Variants in ANK1 observed in about 807,000 individuals in gnomAD.
The protein encoded by ANK1 is ankyrin-1.
ANK1 carries 51 observed loss-of-function variants against 210.4 expected under a neutral mutation model. That is an observed-to-expected ratio of 0.24 (90% confidence interval 0.19 to 0.31). The LOEUF is 0.31. Ranked by LOEUF, ANK1 falls within the 10% of genes least tolerant of loss-of-function variation. The pLI, the probability that ANK1 is intolerant of heterozygous loss-of-function variation, is 1.00. For synonymous variants in ANK1, 967 were observed against 1,025.9 expected, an observed-to-expected ratio of 0.94 and a Z score of 1.10; for missense variants, 2,051 against 2,504.4, an observed-to-expected ratio of 0.82 and a Z score of 3.86.
At chr8:41,690,668 T>G in intron 31 of ANK1, 69 bp from the exon 32 acceptor site, 1 of 1,575,952 alleles carries the variant, frequency 6.3e-7, no homozygotes, top group Non-Finnish European at 8.6e-7. Context: ...CCTTCCACCT[T>G]CGGTCCTTCC....
chr8:41,655,643 C>A lies in ANK1; in HGVS notation c.*147G>T, dbSNP rs556170424. ...CAGGAGTCCCTTACAGAGGTCATGC[C>A]GTCAGCCCAGAGGAATGTGTGCACC... On this transcript the variant is annotated 3_prime_UTR_variant, in exon 43 of 43. Coordinates refer to ENST00000289734, the MANE Select transcript of ANK1 (RefSeq NM_000037.4). 1 of 1,525,312 alleles carries A rather than the reference C, an allele frequency of 6.6e-7. No individual in the cohort carries two copies. Among genetic ancestry groups the A allele is most frequent in the African/African-American group, 1.4e-5 (1 of 72,936 alleles). The allele number at this position is 1,525,312 out of a possible 1,614,324, so 94.5% of individuals were successfully genotyped here.
chr8:41,672,877 C>T lies in ANK1; in HGVS notation c.4573G>A (p.Ala1525Thr), dbSNP rs1287545895. 6.2e-7 allele frequency: 1 copy of T among 1,605,894 alleles called. No individual in the cohort carries two copies. The highest frequency in any genetic ancestry group is 8.5e-7 in the Non-Finnish European group (1 of 1,179,916). Reference sequence around the variant, plus strand: ...GAGGAAAGTGCACAGCCCAGGGAGGCAGGGGACAGCAGCTCGTCCTGCAGT... The same window carrying T: ...GAGGAAAGTGCACAGCCCAGGGAGGTAGGGGACAGCAGCTCGTCCTGCAGT... ...SSLQDELLSP[A>T]SLGCALSSPL... Residue 1525 changes from alanine (A) to threonine (T), a missense_variant, in exon 38 of 43, where the codon GCC (alanine) becomes ACC (threonine). Physicochemically the swap from Ala to Thr is moderately conservative, Grantham distance 58. Coordinates refer to ENST00000289734, the MANE Select transcript of ANK1 (RefSeq NM_000037.4).
chr8:41,867,082 G>T lies in ANK1; in HGVS notation c.126+29273C>A, dbSNP rs114816368. On this transcript the variant is annotated intron_variant, in intron 1 of 42. Transcript: ENST00000265709. Reference sequence around the variant, plus strand: ...AAATTTTACATCCATCTGACCAGTTGGTTCTTAGTGTGGGGAGGTACAGAC... The same window carrying T: ...AAATTTTACATCCATCTGACCAGTTTGTTCTTAGTGTGGGGAGGTACAGAC... 7.1e-3 allele frequency among the ~76,000 whole-genome samples: 1,082 copies of T among 152,324 alleles called. 6 individuals carry two copies. Among genetic ancestry groups the T allele is most frequent in the African/African-American group, 0.025 (1,048 of 41,560 alleles).
At chr8:41,837,880 AT>A (rs1203443232) in intron 1 of ANK1, among the ~76,000 whole-genome samples, 2 of 152,058 alleles carry the variant, frequency 1.3e-5, no homozygotes, top group Admixed American at 6.5e-5. Flanking sequence ...AAAAAAAAAA[AT>A]GTTAATTTAA....
intron 1 of ANK1, among the ~76,000 whole-genome samples, chr8:41,790,422 C>G (rs941446045): frequency 8.5e-5 from 13 of 152,300 alleles, no homozygotes; most frequent in Non-Finnish European, 1.6e-4. Context: ...GCTGGGATTA[C>G]AGGCATCAGC....
intron 2 of ANK1, among the ~76,000 whole-genome samples, chr8:41,752,807 C>CG (rs1554596984): frequency 6.6e-6 from 1 of 151,560 alleles, no homozygotes; most frequent in Non-Finnish European, 1.5e-5. Context: ...GGCCCCCCCC[C>CG]ACTGCACCGC....
At chr8:41,801,033 A>G (rs1849784640), upstream of ANK1, among the ~76,000 whole-genome samples, 1 of 152,236 alleles carries the variant, frequency 6.6e-6, no homozygotes, top group African/African-American at 2.4e-5. Context: ...CTGCAACGTC[A>G]TGTTCCTGAA....
intron 1 of ANK1, among the ~76,000 whole-genome samples, chr8:41,893,738 G>A (rs1489702421): frequency 6.6e-6 from 1 of 152,184 alleles, no homozygotes. Context: ...ATGTTTGTCT[G>A]CATGTATGGA....
At chr8:41,805,471 T>C (rs1309284157) in intron 1 of ANK1, among the ~76,000 whole-genome samples, 2 of 152,098 alleles carry the variant, frequency 1.3e-5, no homozygotes, top group African/African-American at 4.8e-5. Context: ...GGTCTTGAAC[T>C]CGTGGGCTCA....
At chr8:41,661,719 G>A in intron 41 of ANK1, 155 bp from the exon 42 acceptor site, 5 of 1,599,860 alleles carry the variant, frequency 3.1e-6, no homozygotes, top group Non-Finnish European at 2.6e-6. Flanking sequence ...GGTGAGTGGA[G>A]GGAGGTGTCA....
At chr8:41,709,451 G>A (rs1825576384) in intron 16 of ANK1, among the ~76,000 whole-genome samples, 1 of 152,276 alleles carries the variant, frequency 6.6e-6, no homozygotes, top group South Asian at 2.1e-4. Flanking sequence ...AGGGACTTGA[G>A]GATGTGGGAC....
chr8:41,822,070 G>C, intron 1 of ANK1, among the ~76,000 whole-genome samples: 1 of 11,018 alleles, frequency 9.1e-5, no homozygotes, highest in African/African-American at 6.6e-4. Flanking sequence ...AAGAAAGAGA[G>C]AGAGAGAGAG....
At chr8:41,729,150 A>G (rs183075022) in intron 3 of ANK1, among the ~76,000 whole-genome samples, 4 of 152,344 alleles carry the variant, frequency 2.6e-5, no homozygotes, top group Non-Finnish European at 2.9e-5. Flanking sequence ...AAATCAGAAA[A>G]TAAATGGGGG....
intron 1 of ANK1, among the ~76,000 whole-genome samples, chr8:41,845,544 TG>T (rs2150807871): frequency 6.6e-6 from 1 of 152,064 alleles, no homozygotes; most frequent in African/African-American, 2.4e-5. Flanking sequence ...CATGGTGTGG[TG>T]CGTGCCTTTG....
intron 1 of ANK1, among the ~76,000 whole-genome samples, chr8:41,827,533 G>A (rs1805598122): frequency 6.6e-6 from 1 of 152,206 alleles, no homozygotes; most frequent in Non-Finnish European, 1.5e-5. Flanking sequence ...GGAAATGTAG[G>A]TTAGACAGGA....
chr8:41,783,713 A>G (rs1176983324), intron 1 of ANK1, among the ~76,000 whole-genome samples: 1 of 152,162 alleles, frequency 6.6e-6, no homozygotes, highest in African/African-American at 2.4e-5. Context: ...GGGCAAGTAA[A>G]TGTGGACAAT....
intron 23 of ANK1, 99 bp downstream of exon 23, chr8:41,699,353 G>A (rs1028721066): frequency 5.3e-5 from 60 of 1,129,550 alleles, no homozygotes; most frequent in Non-Finnish European, 7.2e-5. Flanking sequence ...CGAGCCCAGC[G>A]CCTGGCCTGC....
At chr8:41,770,671 A>G (rs1842810188) in intron 1 of ANK1, among the ~76,000 whole-genome samples, 1 of 152,248 alleles carries the variant, frequency 6.6e-6, no homozygotes, top group African/African-American at 2.4e-5. Flanking sequence ...AATTCTTGAC[A>G]TTAGTCATGA....
At chr8:41,857,537 G>A (rs754918124) in intron 1 of ANK1, among the ~76,000 whole-genome samples, 2 of 151,882 alleles carry the variant, frequency 1.3e-5, no homozygotes, top group Admixed American at 6.6e-5. Context: ...TTGGGAGTTC[G>A]AGACCAGCCT....
Sources: allele counts gnomAD v4.1 joint callset (sites outside exome capture counted in the v4.1 genomes callset), GRCh38; gene constraint gnomAD v4.1.1; transcripts MANE v1.5; gene names NCBI Gene and HGNC (gene_info 2026-07-23, HGNC 2026-07-21).